Variants in FSTL4 observed in about 807,000 individuals in gnomAD.
FSTL4 encodes the protein follistatin like 4, also known as follistatin-related protein 4.
In FSTL4, 28 loss-of-function variants were observed where a neutral mutation model predicts 78.2. That is an observed-to-expected ratio of 0.36 (90% CI 0.27 to 0.49). FSTL4 has a LOEUF of 0.49. Ranked by LOEUF, FSTL4 falls within the 20% of genes least tolerant of loss-of-function variation. FSTL4 has a pLI of 0.98. For missense variants in FSTL4, 922 were observed against 1,084.9 expected (o/e 0.85, Z 2.11); for synonymous variants, 422 against 440.5 (o/e 0.96, Z 0.53).
rs1752141361 is a variant in FSTL4 at position 133,249,418 on chromosome 5, C to T, written c.886G>A (p.Asp296Asn). ...AATTCCAGGTGACTTACATTGATGT[C>T]TTCCAAGTCCAGGAAGTTCAGGGTG... Reference protein sequence around the residue: ...GLTLNFLDLEDINDFGEDDSL... With the variant: ...GLTLNFLDLENINDFGEDDSL... Residue 296 changes from aspartate to asparagine, a missense_variant, in exon 7 of 16, where the codon GAC becomes AAC. By Grantham distance (23) the Asp-to-Asn change is conservative. Transcript: ENST00000265342. The T allele has an allele frequency of 6.8e-6, 11 of 1,613,906 alleles. No homozygotes were observed. Among genetic ancestry groups the T allele is most frequent in the Non-Finnish European group, 9.3e-6 (11 of 1,179,806 alleles).
At chr5:133,831,409 C>T in the FSTL4 span, among the ~76,000 whole-genome samples, 1 of 151,862 alleles carries the variant, frequency 6.6e-6, no homozygotes, top group South Asian at 2.1e-4. Context: ...AATCCACCAG[C>T]TCATCCCCAC....
rs772656964 is a variant in FSTL4, at chr5:133,217,308, C to T, written c.1529G>A (p.Arg510Gln). The T allele has an allele frequency of 2.5e-5, 41 of 1,613,816 alleles. No homozygotes were observed. Among genetic ancestry groups the T allele is most frequent in the South Asian group, 1.2e-4 (11 of 91,078 alleles). ...CTGGGCCACATAGATGTACCGGTTC[C>T]GGACATTGACTGCAGATACCCACTG... ...PCQWVSAVNV[R>Q]NRYIYVAQPA... Residue 510 changes from arginine to glutamine, a missense_variant, in exon 13 of 16, where the codon CGG becomes CAG. Arg to Gln is a conservative substitution (Grantham distance 43). Transcript: ENST00000265342.
chr5:133,333,097 T>C (rs1754385448), intron 4 of FSTL4, among the ~76,000 whole-genome samples: 1 of 152,102 alleles, frequency 6.6e-6, no homozygotes, highest in Non-Finnish European at 1.5e-5. Context: ...TGGGTGTGCA[T>C]CCCAGTGACA....
At chr5:133,209,907 G>C in intron 14 of FSTL4, 1 of 307,294 alleles carries the variant, frequency 3.3e-6, no homozygotes, top group Non-Finnish European at 6.1e-6. Flanking sequence ...GGACCCAGGA[G>C]CTATTGGCTC....
intron 4 of FSTL4, among the ~76,000 whole-genome samples, chr5:133,398,119 G>C (rs1756120111): frequency 6.6e-6 from 1 of 152,146 alleles, no homozygotes; most frequent in African/African-American, 2.4e-5. Flanking sequence ...CTGGAGCCAT[G>C]GTTCTGGTGA....
chr5:133,356,962 T>G (rs141960402), intron 4 of FSTL4, among the ~76,000 whole-genome samples: 1 of 152,196 alleles, frequency 6.6e-6, no homozygotes, highest in East Asian at 1.9e-4. Context: ...CCATTTCAGG[T>G]TGGTTTTACA....
At chr5:133,622,844 T>C in the FSTL4 span, among the ~76,000 whole-genome samples, 1 of 152,146 alleles carries the variant, frequency 6.6e-6, no homozygotes, top group Non-Finnish European at 1.5e-5. Flanking sequence ...TTTCCTCCAG[T>C]CTCTAGCTTG....
the FSTL4 span, among the ~76,000 whole-genome samples, chr5:133,621,657 T>C: frequency 6.6e-6 from 1 of 152,158 alleles, no homozygotes; most frequent in Non-Finnish European, 1.5e-5. Flanking sequence ...CAATGTATAC[T>C]GCTCGGGTGA....
At chr5:133,218,357 A>G (rs1750982171) in intron 12 of FSTL4, among the ~76,000 whole-genome samples, 1 of 152,142 alleles carries the variant, frequency 6.6e-6, no homozygotes, top group Admixed American at 6.5e-5. Context: ...GGTGACTGCT[A>G]TAGCATCCGT....
At chr5:133,616,763 C>T (rs1009435437), upstream of FSTL4, among the ~76,000 whole-genome samples, 2 of 152,094 alleles carry the variant, frequency 1.3e-5, no homozygotes, top group African/African-American at 2.4e-5. Context: ...TATGATGGGT[C>T]ACCTCAAGGG....
the FSTL4 span, among the ~76,000 whole-genome samples, chr5:133,643,306 T>G: frequency 3.3e-5 from 5 of 152,332 alleles, no homozygotes; most frequent in East Asian, 5.8e-4. Context: ...CTTGAATTAT[T>G]TGAAATTTTG....
chr5:133,383,112 C>A (rs114097602), intron 4 of FSTL4, among the ~76,000 whole-genome samples: 1 of 152,198 alleles, frequency 6.6e-6, no homozygotes, highest in African/African-American at 2.4e-5. Flanking sequence ...TGGCCAAGCC[C>A]GGCCCACCCT....
chr5:133,540,787 TTCTG>T (rs1466146382), intron 3 of FSTL4, among the ~76,000 whole-genome samples: 1 of 151,652 alleles, frequency 6.6e-6, no homozygotes, highest in Non-Finnish European at 1.5e-5. Flanking sequence ...ACTTTCTAAG[TTCTG>T]TCTGATAGCC....
the FSTL4 span, among the ~76,000 whole-genome samples, chr5:133,706,305 T>C: frequency 6.6e-6 from 1 of 152,264 alleles, no homozygotes; most frequent in Non-Finnish European, 1.5e-5. Context: ...CCTATCATTA[T>C]GCTTTAGTTA....
At chr5:133,331,096 A>G (rs1200655452) in intron 4 of FSTL4, among the ~76,000 whole-genome samples, 1 of 152,164 alleles carries the variant, frequency 6.6e-6, no homozygotes, top group African/African-American at 2.4e-5. Context: ...ACCTCTGTGC[A>G]CTGGGGTAGA....
chr5:133,403,283 C>G (rs1303260707), intron 3 of FSTL4, among the ~76,000 whole-genome samples: 1 of 152,170 alleles, frequency 6.6e-6, no homozygotes, highest in Non-Finnish European at 1.5e-5. Context: ...CTCTCCGAGC[C>G]TGCTTCAGAG....
At chr5:133,644,399 G>T in the FSTL4 span, among the ~76,000 whole-genome samples, 1 of 151,918 alleles carries the variant, frequency 6.6e-6, no homozygotes, top group East Asian at 1.9e-4. Context: ...AGATTCCTCT[G>T]CCTGGTCCTT....
At chr5:133,211,684 T>C (rs1367247978) in intron 13 of FSTL4, among the ~76,000 whole-genome samples, 1 of 152,218 alleles carries the variant, frequency 6.6e-6, no homozygotes, top group Non-Finnish European at 1.5e-5. Flanking sequence ...AGATTCCACA[T>C]GATTAAACCC....
chr5:133,225,980 T>C lies in FSTL4; in HGVS notation c.1016-161A>G. On this transcript the variant is annotated intron_variant, in intron 8 of 15. Coordinates refer to ENST00000265342, the MANE Select transcript of FSTL4 (RefSeq NM_015082.2). The surrounding 1 kb of genome is among the most constrained non-coding windows in gnomAD (Gnocchi z 4.6). ...AATAATCCTGTCCAGCAACGCAAGC[T>C]CTAAAAGAAAGGGCTATAAAATAGA... 2.1e-6 allele frequency: 1 copy of C among 483,372 alleles called. No individual in the cohort carries two copies. Among genetic ancestry groups the C allele is most frequent in the Non-Finnish European group, 3.6e-6 (1 of 277,082 alleles). 29.9% of individuals were successfully genotyped at this position (483,372 alleles called of 1,614,324 possible). A position where few individuals can be genotyped will look rare whatever the true frequency, so the allele number is the denominator to read the frequency against.
Sources: gnomAD v4.1 joint callset for allele counts (sites outside exome capture counted in the v4.1 genomes callset) on GRCh38, gnomAD v4.1.1 for gene constraint, Gnocchi (gnomAD v3.1) non-coding constraint, MANE v1.5 for transcripts, NCBI Gene and HGNC (gene_info 2026-07-23, HGNC 2026-07-21) for gene names.